The following ZBTB21 variants were observed in gnomAD, a reference collection of about 807,000 sequenced individuals.
ZBTB21 encodes the protein zinc finger and BTB domain containing 21, also known as zinc finger and BTB domain-containing protein 21.
A neutral mutation model predicts 39.8 loss-of-function variants in ZBTB21; 10 were observed. That is an observed-to-expected ratio of 0.25 (90% CI 0.16 to 0.43). The LOEUF is 0.43. Ranked by LOEUF, ZBTB21 falls within the 20% of genes least tolerant of loss-of-function variation. ZBTB21 has a pLI of 1.00. For synonymous variants in ZBTB21, 551 were observed against 498.8 expected (o/e 1.10, Z -1.40); for missense variants, 1,221 against 1,296.3 (o/e 0.94, Z 0.89).
Position 42,004,708 on chromosome 21 carries a change from TG to T in ZBTB21, c.-78-1748del, listed in dbSNP as rs544809950. ...ATGGGTCCTTTGGAATGTTGGGGAT[TG>T]CTTCTATAGTCCTAACCATGATACT... is the stretch of plus-strand genomic sequence containing the variant. On this transcript the variant is annotated intron_variant, in intron 1 of 2. Transcript: ENST00000310826. 4.7e-4 allele frequency among the ~76,000 whole-genome samples: 71 copies of T among 152,314 alleles called. 1 individual carries two copies. The East Asian group carries it at 0.013, about 27-fold the overall frequency.
chr21:42,003,082 G>A (rs1271503797), intron 1 of ZBTB21, 121 bp from the exon 2 acceptor site: 2 of 152,216 alleles, frequency 1.3e-5, no homozygotes, highest in African/African-American at 4.8e-5. Flanking sequence ...CACCTATTAG[G>A]CATGGAACCT....
chr21:41,994,318 G>A (rs1240759488), intron 2 of ZBTB21, among the ~76,000 whole-genome samples: 1 of 152,136 alleles, frequency 6.6e-6, no homozygotes, highest in Non-Finnish European at 1.5e-5. Context: ...CATTAAAATA[G>A]AAGAATTGCA....
intron 1 of ZBTB21, among the ~76,000 whole-genome samples, chr21:42,006,741 C>T (rs2065883789): frequency 1.3e-5 from 2 of 152,152 alleles, no homozygotes; most frequent in Non-Finnish European, 2.9e-5. Context: ...TGTAGTCATA[C>T]TTGGAGACAT....
Position 41,993,048 on chromosome 21 carries a change from C to A in ZBTB21, c.1048G>T (p.Val350Phe), listed in dbSNP as rs1187521330. 1.2e-6 allele frequency: 2 copies of A among 1,614,242 alleles called. No homozygotes were observed. The highest frequency in any genetic ancestry group is 1.7e-5 in the Admixed American group (1 of 60,026). ...LRRSLSMDSQ[V>F]PVYSPSIDLK... ...TCTATGGAAGGTGAATAGACAGGAACCTGGCTATCCATCGACAATGACCGT... is the reference window on the plus strand; with the variant it reads ...TCTATGGAAGGTGAATAGACAGGAAACTGGCTATCCATCGACAATGACCGT... Residue 350 changes from valine (V) to phenylalanine (F), a missense_variant, in exon 3 of 3, where the codon GTT becomes TTT. Physicochemically the swap from Val to Phe is conservative, Grantham distance 50 (BLOSUM62 -1). This residue lies in a region of ZBTB21 where 500 missense variants were observed against 465.6 expected (regional missense o/e 1.07). Transcript: ENST00000310826.
intron 2 of ZBTB21, among the ~76,000 whole-genome samples, chr21:41,996,248 C>G (rs2065745077): frequency 6.6e-6 from 1 of 152,338 alleles, no homozygotes; most frequent in East Asian, 1.9e-4. Context: ...CTCACAGACA[C>G]TCAATGCCAG....
chr21:41,998,519 T>C (rs1426776211), intron 2 of ZBTB21, among the ~76,000 whole-genome samples: 1 of 152,214 alleles, frequency 6.6e-6, no homozygotes, highest in East Asian at 1.9e-4. Context: ...ATGCCATATT[T>C]TCTTTCAAAT....
chr21:42,005,558 C>T (rs1367219810), intron 1 of ZBTB21, among the ~76,000 whole-genome samples: 1 of 152,160 alleles, frequency 6.6e-6, no homozygotes, highest in Non-Finnish European at 1.5e-5. Flanking sequence ...CTACTTTTTC[C>T]ATTCAAGCCA....
chr21:42,001,615 C>T (rs1295555187), intron 2 of ZBTB21, among the ~76,000 whole-genome samples: 1 of 152,110 alleles, frequency 6.6e-6, no homozygotes, highest in Non-Finnish European at 1.5e-5. Flanking sequence ...ATAGGGAATG[C>T]TGGGAAGAGA....
chr21:42,008,540 CAAAAA>C (rs68176203), intron 1 of ZBTB21, among the ~76,000 whole-genome samples: 1,643 of 60,346 alleles, frequency 0.027, 9 homozygotes, highest in Non-Finnish European at 0.04. Context: ...GAAACTCTGT[CAAAAA>C]AAAAAAAAAA....
chr21:42,003,875 C>T (rs2065846559), intron 1 of ZBTB21, among the ~76,000 whole-genome samples: 1 of 152,196 alleles, frequency 6.6e-6, no homozygotes, highest in African/African-American at 2.4e-5. Flanking sequence ...TTGCCCTGGC[C>T]TCAACTTCCA....
At chr21:42,001,694 A>G (rs2065819390) in intron 2 of ZBTB21, among the ~76,000 whole-genome samples, 1 of 152,252 alleles carries the variant, frequency 6.6e-6, no homozygotes, top group Admixed American at 6.5e-5. Flanking sequence ...AACAGTAACT[A>G]GGTACTCAAT....
chr21:41,991,397 G>C lies in ZBTB21; in HGVS notation c.2699C>G (p.Ala900Gly). 1 of 1,607,780 alleles carries C rather than the reference G, an allele frequency of 6.2e-7. No individual in the cohort carries two copies. Among genetic ancestry groups the C allele is most frequent in the Non-Finnish European group, 8.5e-7 (1 of 1,177,240 alleles). Residue 900 changes from alanine to glycine, a missense_variant, in exon 3 of 3, where the codon GCG becomes GGG. Ala to Gly is a moderately conservative substitution (Grantham distance 60). Around this residue, in one of 4 missense-constraint regions of ZBTB21, gnomAD observed 523 missense variants for 542.5 expected, o/e 0.96. Transcript: ENST00000310826. This position sits in a 1 kb window ranked among gnomAD's most constrained non-coding sequence, Gnocchi z 4.9. ...CAGGCTGGCTTCTTTGCTAGGACCC[G>C]CTTCTTTGGGGGCTGTGCTGGCCTC... Reference protein sequence around the residue: ...APEASTAPKEAGPSKEASLWP... With the variant: ...APEASTAPKEGGPSKEASLWP...
intron 1 of ZBTB21, among the ~76,000 whole-genome samples, chr21:42,006,444 A>T (rs556727735): frequency 6.1e-4 from 71 of 116,604 alleles, no homozygotes; most frequent in South Asian, 1.9e-3. Flanking sequence ...AAAAAAAAAA[A>T]TTTTTTTTTC....
intron 2 of ZBTB21, among the ~76,000 whole-genome samples, chr21:42,002,058 C>T (rs75625828): frequency 0.012 from 1,882 of 152,104 alleles, 42 homozygotes; most frequent in African/African-American, 0.044. Flanking sequence ...GGCATGAGCG[C>T]CCTGGGGGCT....
chr21:42,004,059 G>T (rs551326244), intron 1 of ZBTB21, among the ~76,000 whole-genome samples: 2 of 150,854 alleles, frequency 1.3e-5, no homozygotes, highest in African/African-American at 2.4e-5. Flanking sequence ...GAGTGCAGTG[G>T]CATGATCTTG....
intron 1 of ZBTB21, chr21:42,007,873 CT>C (rs1341388289): frequency 6.6e-6 from 1 of 152,182 alleles, no homozygotes; most frequent in African/African-American, 2.4e-5. Context: ...GTATTCTTTG[CT>C]TTTTCTATTA....
In ZBTB21 at chr21:41,994,017, C is replaced by CT; in HGVS notation, c.78dup (p.Gly27ArgfsTer5). 1 of 1,614,192 alleles carries CT rather than the reference C, an allele frequency of 6.2e-7. No individual in the cohort carries two copies. Among genetic ancestry groups the CT allele is most frequent in the Non-Finnish European group, 8.5e-7 (1 of 1,180,026 alleles). On this transcript the variant is annotated frameshift_variant, in exon 3 of 3. Transcript: ENST00000310826. LOFTEE classifies it low-confidence loss of function (END_TRUNC). ...ATCAGCAGCACATCACACAGCTGTC[C>CT]TTTGAGACGCTCCTCATTCAGGGCA...
At chr21:41,994,321 G>A (rs933648796) in intron 2 of ZBTB21, among the ~76,000 whole-genome samples, 5 of 152,052 alleles carry the variant, frequency 3.3e-5, no homozygotes, top group East Asian at 1.9e-4. Context: ...TAAAATAGAA[G>A]AATTGCAGGA....
In ZBTB21 at chr21:41,991,819, C is replaced by G. The variant is rs746565908; in HGVS notation, c.2277G>C (p.Ser759=). 2.5e-6 allele frequency: 4 copies of G among 1,614,172 alleles called. No individual in the cohort carries two copies. In the South Asian group the frequency reaches 4.4e-5, roughly 18 times the overall value. Residue 759 remains serine, a synonymous_variant, in exon 3 of 3, where the codon TCG becomes TCC. Coordinates refer to ENST00000310826, the MANE Select transcript of ZBTB21 (RefSeq NM_001098402.2). The surrounding 1 kb of genome is among the most constrained non-coding windows in gnomAD (Gnocchi z 4.9). ...TCTCGTGTTCTTGCTTCAGCTCGGG[C>G]GAGAAAAACCTGAGGCTGCAGTAAG... The part of the protein sequence containing the change: ...VCPYCSLRFF[S]PELKQEHESK...
Sources: gnomAD v4.1 joint callset for allele counts (sites outside exome capture counted in the v4.1 genomes callset) on GRCh38, gnomAD v4.1.1 for gene constraint, gnomAD v4.1.1 regional missense constraint, Gnocchi (gnomAD v3.1) non-coding constraint, MANE v1.5 for transcripts, NCBI Gene and HGNC (gene_info 2026-07-23, HGNC 2026-07-21) for gene names.